The following YIPF6 variants were observed in gnomAD, a reference collection of about 807,000 sequenced individuals.
The protein encoded by YIPF6 is protein YIPF6.
YIPF6 carries 3 observed loss-of-function variants against 16.8 expected under a neutral mutation model. The ratio of observed to expected loss-of-function variants is 0.18; its 90% CI spans 0.08 to 0.46. The LOEUF is 0.46. Ranked by LOEUF, YIPF6 falls within the 20% of genes least tolerant of loss-of-function variation. The pLI is 0.98. For missense variants in YIPF6, 145 were observed against 184.9 expected (o/e 0.78, Z 1.25); for synonymous variants, 67 against 61.9 (o/e 1.08, Z -0.38).
At chrX:68,517,986 A>C (rs2079110361) in intron 3 of YIPF6, among the ~76,000 whole-genome samples, 1 of 108,029 alleles carries the variant, frequency 9.3e-6, no homozygotes, top group Non-Finnish European at 1.9e-5. Context: ...AAAAAAGAAA[A>C]GAATCAGGCC....
intron 4 of YIPF6, among the ~76,000 whole-genome samples, chrX:68,519,728 T>C (rs1816342766): frequency 9.0e-6 from 1 of 110,637 alleles, no homozygotes; most frequent in African/African-American, 3.3e-5. Flanking sequence ...CCTTTATGGG[T>C]CTAAATTCAC....
At chrX:68,499,501 T>C (rs1397212536) in intron 1 of YIPF6, among the ~76,000 whole-genome samples, 1 of 112,288 alleles carries the variant, frequency 8.9e-6, no homozygotes, top group Non-Finnish European at 1.9e-5. Flanking sequence ...AATGAGAGAT[T>C]GCTTCCCGTG....
chrX:68,500,084 C>CA (rs1167819719), intron 1 of YIPF6, among the ~76,000 whole-genome samples: 8 of 112,140 alleles, frequency 7.1e-5, no homozygotes, highest in African/African-American at 2.6e-4. Context: ...TGAGTTTCGG[C>CA]AAGTCATTTT....
intron 4 of YIPF6, among the ~76,000 whole-genome samples, chrX:68,520,762 T>C (rs1436076398): frequency 1.8e-5 from 2 of 111,930 alleles, no homozygotes; most frequent in African/African-American, 6.5e-5. Flanking sequence ...TAAGCCACCA[T>C]ACCTGGCCTA....
At chrX:68,527,554 T>C (rs1324445692) in intron 6 of YIPF6, among the ~76,000 whole-genome samples, 1 of 111,945 alleles carries the variant, frequency 8.9e-6, no homozygotes, top group Admixed American at 9.5e-5. Flanking sequence ...TTCTTTTAAT[T>C]GTGATGTTAG....
At chrX:68,506,276 A>G (rs2079059408) in intron 1 of YIPF6, among the ~76,000 whole-genome samples, 1 of 110,528 alleles carries the variant, frequency 9.0e-6, no homozygotes, top group African/African-American at 3.3e-5. Flanking sequence ...GGATCCCCAT[A>G]TACACCTTCA....
intron 1 of YIPF6, 39 bp downstream of exon 1, chrX:68,499,162 G>A: frequency 1.7e-6 from 2 of 1,157,848 alleles, no homozygotes; most frequent in Non-Finnish European, 2.3e-6. Context: ...CCGAGGGTGA[G>A]GCAGAGTGCC....
intron 4 of YIPF6, among the ~76,000 whole-genome samples, 191 bp downstream of exon 4, chrX:68,519,003 G>T (rs1277951274): frequency 1.8e-5 from 2 of 111,369 alleles, no homozygotes; most frequent in Non-Finnish European, 3.8e-5. Flanking sequence ...ATGAAATTAG[G>T]CTCACCTTCC....
At chrX:68,527,840 G>A (rs774111824) in intron 6 of YIPF6, among the ~76,000 whole-genome samples, 1 of 111,382 alleles carries the variant, frequency 9.0e-6, no homozygotes, top group South Asian at 3.8e-4. Context: ...GAGAGACTAT[G>A]ATTTCCATTC....
At chrX:68,524,340 T>C (rs1232039705) in intron 6 of YIPF6, among the ~76,000 whole-genome samples, 1 of 109,856 alleles carries the variant, frequency 9.1e-6, no homozygotes, top group East Asian at 2.9e-4. Flanking sequence ...GATTAATGTT[T>C]GTGTTTTTAG....
At chrX:68,511,822 T>C (rs375871939) in intron 1 of YIPF6, 27 bp from the exon 2 acceptor site, 1 of 1,186,178 alleles carries the variant, frequency 8.4e-7, no homozygotes, top group Non-Finnish European at 1.1e-6. Context: ...ATTACAGGCT[T>C]ACTTTTTTTC....
At chrX:68,527,847 A>C (rs1034124202) in intron 6 of YIPF6, among the ~76,000 whole-genome samples, 2 of 111,558 alleles carry the variant, frequency 1.8e-5, no homozygotes, top group African/African-American at 6.5e-5. Context: ...TATGATTTCC[A>C]TTCTTTTGCA....
intron 5 of YIPF6, among the ~76,000 whole-genome samples, chrX:68,522,551 C>T (rs192048538): frequency 4.5e-5 from 5 of 110,487 alleles, no homozygotes; most frequent in African/African-American, 6.6e-5. Context: ...TCCACCCCCC[C>T]ACCCTTGGCC....
Position 68,532,211 on chromosome X carries a change from AT to A in YIPF6, c.*215del, listed in dbSNP as rs2079174406. On this transcript the variant is annotated 3_prime_UTR_variant, in exon 7 of 7. Transcript: ENST00000462683. ...GGCTGTTCTTTTCTCTCTTAATGTC[AT>A]TTCTTTAAAAATACATGTGCATACT... 2.8e-6 allele frequency: 1 copy of A among 359,355 alleles called. No homozygotes were observed. Among genetic ancestry groups the A allele is most frequent in the East Asian group, 4.6e-5 (1 of 21,610 alleles). The allele number at this position is 359,355 out of a possible 1,213,427, so 29.6% of individuals were successfully genotyped here. A position where few individuals can be genotyped will look rare whatever the true frequency, so the allele number is the denominator to read the frequency against.
In YIPF6 at chrX:68,513,307, A is replaced by C. The variant is rs1383726722; in HGVS notation, c.187-20A>C. ...GCAACCTTGGTCATCACAATACAAC[A>C]AGTTGTTTCTGTCTTTCAGATGCGT... On this transcript the variant is annotated intron_variant, in intron 2 of 6. Transcript: ENST00000462683. The C allele has an allele frequency of 1.7e-6, 2 of 1,185,625 alleles. No individual in the cohort carries two copies. Among genetic ancestry groups the C allele is most frequent in the Non-Finnish European group, 2.3e-6 (2 of 880,121 alleles).
At chrX:68,517,990 TC>T (rs1158455870) in intron 3 of YIPF6, among the ~76,000 whole-genome samples, 1 of 96,914 alleles carries the variant, frequency 1.0e-5, no homozygotes, top group Admixed American at 1.1e-4. Flanking sequence ...AAGAAAAGAA[TC>T]AGGCCAGGTG....
intron 6 of YIPF6, among the ~76,000 whole-genome samples, chrX:68,531,109 CTTTT>C (rs1222202403): frequency 3.0e-5 from 3 of 100,814 alleles, no homozygotes; most frequent in Non-Finnish European, 5.8e-5. Context: ...AGGAATGATT[CTTTT>C]TTGTTTGTTT....
rs747013137 is a variant in YIPF6, at chrX:68,512,344, C to A, written c.186+367C>A. Among the ~76,000 whole-genome samples the A allele has an allele frequency of 2.7e-5, 3 of 109,624 alleles. No individual in the cohort carries two copies. The East Asian group carries it at 8.7e-4, about 32-fold the overall frequency. ...GACATGGTGGCATATGCCTGAAATC[C>A]CAGCTGCTTGGGAGACTGAATCGCT... On this transcript the variant is annotated intron_variant, in intron 2 of 6. Transcript: ENST00000462683.
chrX:68,522,295 T>A (rs1157311939), intron 5 of YIPF6, among the ~76,000 whole-genome samples: 1 of 106,298 alleles, frequency 9.4e-6, no homozygotes, highest in Non-Finnish European at 1.9e-5. Flanking sequence ...AATTAAAGCA[T>A]GTACTTAATT....
Sources: gnomAD v4.1 joint callset for allele counts (sites outside exome capture counted in the v4.1 genomes callset) on GRCh38, gnomAD v4.1.1 for gene constraint, MANE v1.5 for transcripts, NCBI Gene and HGNC (gene_info 2026-07-23, HGNC 2026-07-21) for gene names.